NCBP2L: variants seen among roughly 807,000 people sequenced by gnomAD.
NCBP2L encodes the protein nuclear cap binding protein subunit 2 like.
For synonymous variants in NCBP2L, 39 were observed against 19.2 expected (o/e 2.04, Z -2.70); for missense variants, 95 against 53.1 (o/e 1.79, Z -2.45).
In NCBP2L at chrX:107,794,814, T is replaced by G. The variant is rs184341979; in HGVS notation, c.*132T>G. On this transcript the variant is annotated 3_prime_UTR_variant, in exon 2 of 2. Transcript: ENST00000509000. ...TTGATGTATTTTTTTCTCTGAAAAT[T>G]TGTTAAATAGCAGAAACAAAAAAAA... 9.9e-6 allele frequency: 4 copies of G among 403,782 alleles called. No individual in the cohort carries two copies. In the African/African-American group the frequency reaches 1.0e-4, roughly 10 times the overall value. The allele number at this position is 403,782 out of a possible 1,213,427, so 33.3% of individuals were successfully genotyped here.
rs1388388715 is a variant in NCBP2L at position 107,777,809 on chromosome X, C to A, written c.-122C>A. The A allele has an allele frequency of 9.0e-6, 1 of 111,164 alleles. No individual in the cohort carries two copies. The highest frequency in any genetic ancestry group is 2.8e-4 in the East Asian group (1 of 3,556). The allele number at this position is 111,164 out of a possible 1,213,427, so 9.2% of individuals were successfully genotyped here. A position where few individuals can be genotyped will look rare whatever the true frequency, so the allele number is the denominator to read the frequency against. On this transcript the variant is annotated 5_prime_UTR_variant, in exon 1 of 2. Coordinates refer to ENST00000509000, the MANE Select transcript of NCBP2L (RefSeq NM_001348372.2). ...GGTTGTGGTCTCTATGCTGTAGCAG[C>A]CGGAAAGCCAAAAACAAGCCGTACT...
Position 107,794,294 on chromosome X carries a change from G to A in NCBP2L, c.74G>A (p.Ser25Asn). Residue 25 changes from serine to asparagine, a missense_variant, in exon 2 of 2, where the codon AGT (serine) becomes AAT (asparagine). Coordinates refer to ENST00000509000, the MANE Select transcript of NCBP2L (RefSeq NM_001348372.2). ...AGCTGCTACCGGGACCATCAGTTCA[G>A]TGGCCGTAAATTTCAGCAGGAAAAA... Reference protein sequence around the residue: ...ELSCYRDHQFSGRKFQQEKLL... With the variant: ...ELSCYRDHQFNGRKFQQEKLL... The A allele has an allele frequency of 1.8e-6, 1 of 569,987 alleles. No homozygotes were observed. The highest frequency in any genetic ancestry group is 3.2e-6 in the Non-Finnish European group (1 of 309,439). 47.0% of individuals were successfully genotyped at this position (569,987 alleles called of 1,213,427 possible).
chrX:107,788,453 C>T (rs7884248), intron 1 of NCBP2L, among the ~76,000 whole-genome samples: 22,152 of 111,908 alleles, frequency 0.2, 2,297 homozygotes, highest in African/African-American at 0.4. Context: ...TTGTCATATC[C>T]TCCTTTAACC....
chrX:107,791,261 T>G (rs753397251), intron 1 of NCBP2L, among the ~76,000 whole-genome samples: 4 of 111,158 alleles, frequency 3.6e-5, no homozygotes, highest in Non-Finnish European at 7.5e-5. Context: ...TTTTTTTTTT[T>G]TCTGAGACAG....
chrX:107,789,702 T>TCTCATGACC (rs2147808032), intron 1 of NCBP2L, among the ~76,000 whole-genome samples: 1 of 111,901 alleles, frequency 8.9e-6, no homozygotes, highest in East Asian at 2.8e-4. Context: ...TCCTCATGAC[T>TCTCATGACC]CTCATGACCT....
rs2295374 is a variant in NCBP2L, at chrX:107,794,199, G to A, written c.-22G>A. ...CCAAGCTGGACCGAAAACGGCCATC[G>A]GCATGCTGCCCAACCAGCACCATGT... is the stretch of plus-strand genomic sequence containing the variant. On this transcript the variant is annotated 5_prime_UTR_variant, in exon 2 of 2. Coordinates refer to ENST00000509000, the MANE Select transcript of NCBP2L (RefSeq NM_001348372.2). 11 of 500,267 alleles carry A rather than the reference G, an allele frequency of 2.2e-5. No individual in the cohort carries two copies. The highest frequency in any genetic ancestry group is 1.2e-4 in the African/African-American group (5 of 41,734). The allele number at this position is 500,267 out of a possible 1,213,427, so 41.2% of individuals were successfully genotyped here.
intron 1 of NCBP2L, among the ~76,000 whole-genome samples, chrX:107,792,406 A>G (rs1382408171): frequency 9.0e-6 from 1 of 110,525 alleles, no homozygotes; most frequent in Non-Finnish European, 1.9e-5. Context: ...GCAATTTGTC[A>G]ATGACTTAAA....
At chrX:107,793,898 T>C (rs1223454168) in intron 1 of NCBP2L, among the ~76,000 whole-genome samples, 2 of 112,236 alleles carry the variant, frequency 1.8e-5, no homozygotes, top group East Asian at 5.6e-4. Context: ...TCTTTGGTAA[T>C]AGATCAGGCA....
At chrX:107,781,559 T>G (rs1930269084) in intron 1 of NCBP2L, among the ~76,000 whole-genome samples, 1 of 96,924 alleles carries the variant, frequency 1.0e-5, no homozygotes, top group Admixed American at 1.1e-4. Context: ...GCAATCCGCC[T>G]GCCTTGGCCT....
At position 107,795,491 on chromosome X, in the gene NCBP2L, T is replaced by C. The variant is rs1186509582; in HGVS notation, c.*809T>C. On this transcript the variant is annotated 3_prime_UTR_variant, in exon 2 of 2. Coordinates refer to ENST00000509000, the MANE Select transcript of NCBP2L (RefSeq NM_001348372.2). ...AGTGATGTGCATTCAGTAGAAACCA[T>C]GCTTCAGGTACCCATACAACTATTT... is the stretch of plus-strand genomic sequence containing the variant. 1.8e-5 allele frequency: 2 copies of C among 112,102 alleles called. No individual in the cohort carries two copies. The highest frequency in any genetic ancestry group is 6.5e-5 in the African/African-American group (2 of 30,808). The allele number at this position is 112,102 out of a possible 1,213,427, so 9.2% of individuals were successfully genotyped here.
intron 1 of NCBP2L, among the ~76,000 whole-genome samples, chrX:107,780,487 T>G (rs1930251124): frequency 9.0e-6 from 1 of 110,918 alleles, no homozygotes; most frequent in Non-Finnish European, 1.9e-5. Flanking sequence ...CTCGGAGACA[T>G]GGAATTGTTT....
chrX:107,790,356 T>A lies in NCBP2L; in HGVS notation c.-72-3793T>A, dbSNP rs377535722. On this transcript the variant is annotated intron_variant, in intron 1 of 1. Transcript: ENST00000509000. The stretch of plus-strand genomic sequence containing the variant: ...TCTTGGCCTGCTCCCCCTTAGTCTA[T>A]CCTTCACACTGTGATAGAATGCATT... Among the ~76,000 whole-genome samples the A allele has an allele frequency of 5.4e-5, 6 of 111,645 alleles. No homozygotes were observed. The East Asian group carries it at 1.4e-3, about 26-fold the overall frequency.
chrX:107,782,338 AATATATATATATAAATAT>A (rs1930331168), intron 1 of NCBP2L, among the ~76,000 whole-genome samples: 2 of 34,787 alleles, frequency 5.7e-5, no homozygotes, highest in African/African-American at 3.2e-4. Flanking sequence ...TATATATATA[AATATATATATATAAATAT>A]ATATATATAT....
At chrX:107,783,700 C>T (rs1222294839) in intron 1 of NCBP2L, among the ~76,000 whole-genome samples, 1 of 110,673 alleles carries the variant, frequency 9.0e-6, no homozygotes, top group African/African-American at 3.3e-5. Context: ...AAGGTGTACA[C>T]CATGATGTTT....
chrX:107,794,892 C>T lies in NCBP2L; in HGVS notation c.*210C>T. The T allele has an allele frequency of 3.1e-6, 1 of 325,411 alleles. No homozygotes were observed. 26.8% of individuals were successfully genotyped at this position (325,411 alleles called of 1,213,427 possible). ...GATGCTTTTCAGATTACCAGTTTGA[C>T]TGTTAGGTGGTCCAAAGTGAAGTGT... is the stretch of plus-strand genomic sequence containing the variant. On this transcript the variant is annotated 3_prime_UTR_variant, in exon 2 of 2. Coordinates refer to ENST00000509000, the MANE Select transcript of NCBP2L (RefSeq NM_001348372.2).
chrX:107,781,692 C>CTCTCTCTCTCTCTCTCTCTA (rs1395038482), intron 1 of NCBP2L, among the ~76,000 whole-genome samples: 4 of 66,913 alleles, frequency 6.0e-5, no homozygotes, highest in Admixed American at 1.6e-4. Flanking sequence ...CTCTCTCTCT[C>CTCTCTCTCTCTCTCTCTCTA]TATATATATA....
At chrX:107,782,886 C>T (rs1930343486) in intron 1 of NCBP2L, among the ~76,000 whole-genome samples, 1 of 107,852 alleles carries the variant, frequency 9.3e-6, no homozygotes, top group African/African-American at 3.4e-5. Context: ...CATATATACA[C>T]ATATATATAC....
At chrX:107,792,681 C>A (rs749554079) in intron 1 of NCBP2L, among the ~76,000 whole-genome samples, 11 of 111,698 alleles carry the variant, frequency 9.8e-5, no homozygotes, top group Non-Finnish European at 1.7e-4. Flanking sequence ...TCCTACACCC[C>A]CCAGCCCTGC....
At chrX:107,790,621 C>T (rs1446138866) in intron 1 of NCBP2L, among the ~76,000 whole-genome samples, 1 of 111,461 alleles carries the variant, frequency 9.0e-6, no homozygotes, top group Non-Finnish European at 1.9e-5. Context: ...TTCTCTCTGC[C>T]TAGAATGACC....
Sources: allele counts gnomAD v4.1 joint callset (sites outside exome capture counted in the v4.1 genomes callset), GRCh38; gene constraint gnomAD v4.1.1; transcripts MANE v1.5; gene names NCBI Gene and HGNC (gene_info 2026-07-23, HGNC 2026-07-21).